The following LRFN5 variants were observed in gnomAD, a reference collection of about 807,000 sequenced individuals.
LRFN5 encodes leucine rich repeat and fibronectin type III domain containing 5, also known as leucine-rich repeat and fibronectin type-III domain-containing protein 5.
LRFN5 carries 24 observed loss-of-function variants against 45.6 expected under a neutral mutation model. The observed-to-expected ratio is 0.53, with a 90% CI of 0.38 to 0.74. LRFN5 has a LOEUF of 0.74. Ranked by LOEUF, LRFN5 falls within the 30% of genes least tolerant of loss-of-function variation. The probability of loss-of-function intolerance (pLI) is 0.00; values close to 1 mark genes in which losing one functional copy is unlikely to be tolerated. For missense variants in LRFN5, 776 were observed against 861.5 expected (o/e 0.90, Z 1.24); for synonymous variants, 340 against 313.8 (o/e 1.08, Z -0.88).
intron 2 of LRFN5, among the ~76,000 whole-genome samples, chr14:41,813,498 T>C (rs1049576096): frequency 2.6e-5 from 4 of 152,184 alleles, no homozygotes; most frequent in Admixed American, 1.3e-4. Context: ...TCCAGCTTCA[T>C]CCATGTCCCT....
intron 2 of LRFN5, among the ~76,000 whole-genome samples, chr14:41,804,609 A>G (rs1405192722): frequency 2.6e-5 from 4 of 152,112 alleles, no homozygotes; most frequent in Non-Finnish European, 4.4e-5. Context: ...AAGGACTATT[A>G]TCATTTAAAC....
chr14:41,710,024 T>G (rs1416731233), intron 1 of LRFN5, among the ~76,000 whole-genome samples: 1 of 152,116 alleles, frequency 6.6e-6, no homozygotes, highest in Non-Finnish European at 1.5e-5. Context: ...ACTGGCGTGT[T>G]TCACACTTAA....
At chr14:41,634,615 A>G (rs1888666724) in intron 1 of LRFN5, among the ~76,000 whole-genome samples, 1 of 152,194 alleles carries the variant, frequency 6.6e-6, no homozygotes, top group African/African-American at 2.4e-5. Context: ...AAGTTGAAGT[A>G]TGAAACTTTC....
chr14:41,609,669 C>T (rs975808351), intron 1 of LRFN5, among the ~76,000 whole-genome samples: 1 of 152,106 alleles, frequency 6.6e-6, no homozygotes, highest in African/African-American at 2.4e-5. Context: ...ATAGTGAAGA[C>T]GGTCTGAATA....
Position 41,781,617 on chromosome 14 carries a change from AGAAAGAAAGAAAGAAAGG to A in LRFN5, c.-21+14589_-21+14606del, listed in dbSNP as rs1886518317. ...GAAAGAAAGAAAGAAAGAAAGAAAG[AGAAAGAAAGAAAGAAAGG>A]AAAGAAAGAAAGAGAAAGAAAGAAA... On this transcript the variant is annotated intron_variant, in intron 2 of 5. Coordinates refer to ENST00000298119, the MANE Select transcript of LRFN5 (RefSeq NM_152447.5). Among the ~76,000 whole-genome samples the A allele has an allele frequency of 5.1e-5, 4 of 78,548 alleles. No homozygotes were observed. In the East Asian group the frequency reaches 1.6e-3, roughly 31 times the overall value. The allele number at this position is 78,548 out of a possible 152,430, so 51.5% of individuals were successfully genotyped here. A position where few individuals can be genotyped will look rare whatever the true frequency, so the allele number is the denominator to read the frequency against.
intron 1 of LRFN5, among the ~76,000 whole-genome samples, chr14:41,754,615 C>A (rs1470274889): frequency 6.6e-6 from 1 of 151,974 alleles, no homozygotes; most frequent in African/African-American, 2.4e-5. Flanking sequence ...GGTGATATCC[C>A]CTTTATCATT....
chr14:41,752,086 A>T (rs1885158544), intron 1 of LRFN5, among the ~76,000 whole-genome samples: 1 of 152,132 alleles, frequency 6.6e-6, no homozygotes, highest in African/African-American at 2.4e-5. Context: ...CCTACAAAGG[A>T]CATGAACTCA....
At chr14:41,870,507 G>A (rs1889982598) in intron 2 of LRFN5, among the ~76,000 whole-genome samples, 2 of 152,154 alleles carry the variant, frequency 1.3e-5, no homozygotes, top group Non-Finnish European at 2.9e-5. Context: ...AGGCAAGAAA[G>A]CATGTGCAGG....
chr14:41,886,382 G>C (rs906728107), intron 2 of LRFN5, among the ~76,000 whole-genome samples: 1 of 152,018 alleles, frequency 6.6e-6, no homozygotes, highest in African/African-American at 2.4e-5. Context: ...TGACTGCTTT[G>C]TTTTTCCTAC....
intron 4 of LRFN5, chr14:41,892,525 G>C: frequency 1.0e-6 from 1 of 972,544 alleles, no homozygotes; most frequent in Non-Finnish European, 1.2e-6. Context: ...GCCACCTATG[G>C]ATAATTGATA....
At chr14:41,680,844 C>G (rs902685844) in intron 1 of LRFN5, among the ~76,000 whole-genome samples, 8 of 151,962 alleles carry the variant, frequency 5.3e-5, no homozygotes, top group African/African-American at 1.9e-4. Flanking sequence ...CTAGCTGTTT[C>G]AAGGAAGCTC....
At chr14:41,877,572 C>A (rs1890228883) in intron 2 of LRFN5, among the ~76,000 whole-genome samples, 1 of 151,730 alleles carries the variant, frequency 6.6e-6, no homozygotes, top group South Asian at 2.1e-4. Flanking sequence ...TTATCTGTAG[C>A]TAATTTATGT....
At chr14:41,821,802 G>A (rs1335355719) in intron 2 of LRFN5, among the ~76,000 whole-genome samples, 1 of 145,508 alleles carries the variant, frequency 6.9e-6, no homozygotes, top group African/African-American at 2.5e-5. Context: ...TGGGGTGGGG[G>A]GAGATTTGTT....
intron 1 of LRFN5, among the ~76,000 whole-genome samples, chr14:41,734,316 T>TTACATATATATATATATA (rs1884316047): frequency 5.2e-5 from 2 of 38,768 alleles, no homozygotes; most frequent in African/African-American, 1.1e-4. Flanking sequence ...TGGACTGGTT[T>TTACATATATATATATATA]TATATATATA....
At chr14:41,852,345 C>T (rs1335347537) in intron 2 of LRFN5, among the ~76,000 whole-genome samples, 1 of 151,832 alleles carries the variant, frequency 6.6e-6, no homozygotes, top group Non-Finnish European at 1.5e-5. Flanking sequence ...CTACCATCAA[C>T]ATTAAAGCGA....
At chr14:41,644,184 A>C (rs1434662166) in intron 1 of LRFN5, among the ~76,000 whole-genome samples, 1 of 152,188 alleles carries the variant, frequency 6.6e-6, no homozygotes, top group African/African-American at 2.4e-5. Context: ...TGAGATTCTA[A>C]AAGTTTTATA....
At chr14:41,624,846 T>A (rs1300155521) in intron 1 of LRFN5, among the ~76,000 whole-genome samples, 1 of 152,156 alleles carries the variant, frequency 6.6e-6, no homozygotes, top group Non-Finnish European at 1.5e-5. Flanking sequence ...TTTATAATTT[T>A]TTCATTATCT....
intron 2 of LRFN5, among the ~76,000 whole-genome samples, chr14:41,805,559 C>G (rs892218115): frequency 6.8e-6 from 1 of 147,426 alleles, no homozygotes; most frequent in Non-Finnish European, 1.5e-5. Flanking sequence ...CTCCACCCCC[C>G]CCACCCCACA....
intron 1 of LRFN5, among the ~76,000 whole-genome samples, chr14:41,697,636 A>T (rs1882668404): frequency 6.7e-6 from 1 of 150,180 alleles, no homozygotes; most frequent in Non-Finnish European, 1.5e-5. Context: ...ATTAACTAAT[A>T]TGAATATAGC....
Sources: gnomAD v4.1 joint callset for allele counts (sites outside exome capture counted in the v4.1 genomes callset) on GRCh38, gnomAD v4.1.1 for gene constraint, MANE v1.5 for transcripts, NCBI Gene and HGNC (gene_info 2026-07-23, HGNC 2026-07-21) for gene names.